The following DLG2 variants were observed in gnomAD, a reference collection of about 807,000 sequenced individuals.
The protein encoded by DLG2 is discs large MAGUK scaffold protein 2.
In DLG2, 45 loss-of-function variants were observed where a neutral mutation model predicts 132.5. The ratio of observed to expected loss-of-function variants is 0.34; its 90% CI spans 0.27 to 0.44. The LOEUF (loss-of-function observed/expected upper bound fraction) is 0.44, where lower values mean the gene tolerates loss of function less well. Ranked by LOEUF, DLG2 falls within the 20% of genes least tolerant of loss-of-function variation. The probability of loss-of-function intolerance (pLI) is 1.00; values close to 1 mark genes in which losing one functional copy is unlikely to be tolerated. For synonymous variants in DLG2, 424 were observed against 419.6 expected (o/e 1.01, Z -0.13); for missense variants, 1,045 against 1,196.9 (o/e 0.87, Z 1.87).
chr11:84,081,968 A>G (rs182793494), intron 10 of DLG2, among the ~76,000 whole-genome samples: 177 of 152,244 alleles, frequency 1.2e-3, no homozygotes, highest in Admixed American at 4.1e-3. Context: ...ATTTCTCCAT[A>G]TGCTCTCCAG....
intron 3 of DLG2, among the ~76,000 whole-genome samples, chr11:85,451,116 A>G (rs1194176947): frequency 1.3e-5 from 2 of 152,006 alleles, no homozygotes; most frequent in Non-Finnish European, 2.9e-5. Context: ...GGGATCTCAA[A>G]CTTCATCTTC....
At chr11:84,278,127 A>G (rs1328478617) in intron 7 of DLG2, among the ~76,000 whole-genome samples, 1 of 148,348 alleles carries the variant, frequency 6.7e-6, no homozygotes, top group East Asian at 2.0e-4. Context: ...GCTTCAAGCA[A>G]TCCTCCAGCC....
At position 83,459,167 on chromosome 11, in the gene DLG2, A is replaced by C. The variant is rs949287444; in HGVS notation, c.*651T>G. On this transcript the variant is annotated 3_prime_UTR_variant, in exon 28 of 28. Coordinates refer to ENST00000376104, the MANE Select transcript of DLG2 (RefSeq NM_001142699.3). ...CAGTTTATAAATGGCAAAATAGGCAATCAACAATCATAAAGCTAATCCCAG... is the reference window on the plus strand; with the variant it reads ...CAGTTTATAAATGGCAAAATAGGCACTCAACAATCATAAAGCTAATCCCAG... 17 of 152,740 alleles carry C rather than the reference A, an allele frequency of 1.1e-4. 1 individual carries two copies. The highest frequency in any genetic ancestry group is 7.8e-4 in the Admixed American group (12 of 15,310). The allele number at this position is 152,740 out of a possible 1,614,324, so 9.5% of individuals were successfully genotyped here.
intron 6 of DLG2, among the ~76,000 whole-genome samples, chr11:84,703,251 A>G (rs1042620867): frequency 1.3e-5 from 2 of 151,596 alleles, no homozygotes; most frequent in Non-Finnish European, 3.0e-5. Context: ...TACAAGAAAG[A>G]CTGTTAGGTT....
chr11:84,956,821 T>G (rs1176657888), intron 6 of DLG2, among the ~76,000 whole-genome samples: 1 of 152,190 alleles, frequency 6.6e-6, no homozygotes. Flanking sequence ...ATGTGAAGTA[T>G]ATGATTCTAA....
At chr11:84,930,903 G>A (rs1341551092) in intron 6 of DLG2, among the ~76,000 whole-genome samples, 1 of 152,018 alleles carries the variant, frequency 6.6e-6, no homozygotes. Flanking sequence ...AGGAAAGCCA[G>A]CCCCTCACTC....
At chr11:84,271,901 A>T (rs2097727398) in intron 7 of DLG2, among the ~76,000 whole-genome samples, 1 of 150,856 alleles carries the variant, frequency 6.6e-6, no homozygotes, top group Admixed American at 6.6e-5. Flanking sequence ...GGCTCCGTGA[A>T]CGAGGAAATA....
intron 18 of DLG2, among the ~76,000 whole-genome samples, chr11:83,708,931 T>G (rs2084701470): frequency 6.6e-6 from 1 of 152,174 alleles, no homozygotes; most frequent in Non-Finnish European, 1.5e-5. Flanking sequence ...TTGGACAAAT[T>G]ATTTCCTGTG....
intron 9 of DLG2, among the ~76,000 whole-genome samples, chr11:84,159,348 T>A (rs2095496880): frequency 6.6e-6 from 1 of 152,140 alleles, no homozygotes; most frequent in South Asian, 2.1e-4. Flanking sequence ...ATGATGGAAA[T>A]GCTACTAATT....
intron 6 of DLG2, among the ~76,000 whole-genome samples, chr11:84,542,638 C>A (rs1346934298): frequency 6.6e-6 from 1 of 152,008 alleles, no homozygotes; most frequent in Non-Finnish European, 1.5e-5. Context: ...AGCACATATT[C>A]TAGAAGCAAG....
At chr11:84,579,296 A>G (rs1345236532) in intron 6 of DLG2, among the ~76,000 whole-genome samples, 1 of 152,118 alleles carries the variant, frequency 6.6e-6, no homozygotes, top group Non-Finnish European at 1.5e-5. Context: ...TTGTAAAAAT[A>G]TAGTTTTTCA....
rs534593081 is a variant in DLG2, at chr11:85,250,322, G to A, written c.186+34898C>T. Among the ~76,000 whole-genome samples the A allele has an allele frequency of 5.3e-5, 8 of 152,152 alleles. No homozygotes were observed. The East Asian group carries it at 1.5e-3, about 29-fold the overall frequency. ...TTTGTCAAACATTTACTGTCTATTT[G>A]CTATGTCACCCACTGCTCTAGGTTA... On this transcript the variant is annotated intron_variant, in intron 4 of 27. Coordinates refer to ENST00000376104, the MANE Select transcript of DLG2 (RefSeq NM_001142699.3).
chr11:84,800,399 T>A (rs1460067285), intron 6 of DLG2: 2 of 152,220 alleles, frequency 1.3e-5, no homozygotes, highest in Non-Finnish European at 2.9e-5. Flanking sequence ...GTTGTACAGT[T>A]TAACATTTTC....
intron 3 of DLG2, among the ~76,000 whole-genome samples, chr11:85,537,349 T>C (rs985620506): frequency 5.3e-5 from 8 of 152,210 alleles, no homozygotes; most frequent in African/African-American, 1.9e-4. Flanking sequence ...GTGGAACCTT[T>C]GTTCTTTCAC....
chr11:85,385,508 C>T (rs1285508843), intron 3 of DLG2, among the ~76,000 whole-genome samples: 1 of 151,998 alleles, frequency 6.6e-6, no homozygotes, highest in African/African-American at 2.4e-5. Context: ...TAGAGCAAAC[C>T]TATAAGTGGG....
At chr11:84,937,863 A>G (rs1366904136) in intron 6 of DLG2, among the ~76,000 whole-genome samples, 4 of 152,204 alleles carry the variant, frequency 2.6e-5, no homozygotes, top group Non-Finnish European at 5.9e-5. Context: ...AGTACAGCAT[A>G]TGATGGCACA....
At chr11:85,098,511 C>A (rs1345472804) in intron 6 of DLG2, among the ~76,000 whole-genome samples, 2 of 152,082 alleles carry the variant, frequency 1.3e-5, no homozygotes, top group Non-Finnish European at 2.9e-5. Context: ...AAGTTTTAGC[C>A]CAGAATGCAT....
intron 6 of DLG2, among the ~76,000 whole-genome samples, chr11:84,887,823 C>T (rs2088592791): frequency 6.6e-6 from 1 of 151,988 alleles, no homozygotes; most frequent in African/African-American, 2.4e-5. Flanking sequence ...AAGAGACTAT[C>T]GATTCCCTGA....
intron 15 of DLG2, among the ~76,000 whole-genome samples, chr11:83,894,670 T>C (rs1464035570): frequency 3.3e-5 from 5 of 152,224 alleles, no homozygotes; most frequent in African/African-American, 7.2e-5. Context: ...AATCTTCTCT[T>C]CTACCTATTT....
Sources: allele counts gnomAD v4.1 joint callset (sites outside exome capture counted in the v4.1 genomes callset), GRCh38; gene constraint gnomAD v4.1.1; transcripts MANE v1.5; gene names NCBI Gene and HGNC (gene_info 2026-07-23, HGNC 2026-07-21).